Variants in RBFOX1 observed in about 807,000 individuals in gnomAD.
The protein encoded by RBFOX1 is RNA binding fox-1 homolog 1.
A neutral mutation model predicts 57.7 loss-of-function variants in RBFOX1; 8 were observed. The ratio of observed to expected loss-of-function variants is 0.14; its 90% CI spans 0.08 to 0.25. The LOEUF (loss-of-function observed/expected upper bound fraction) is 0.25. Ranked by LOEUF, RBFOX1 falls within the 10% of genes least tolerant of loss-of-function variation. The pLI is 1.00. For synonymous variants in RBFOX1, 326 were observed against 222.4 expected (o/e 1.47, Z -4.15); for missense variants, 611 against 548.5 (o/e 1.11, Z -1.14).
intron 4 of RBFOX1, among the ~76,000 whole-genome samples, chr16:7,165,499 G>A (rs1042821723): frequency 2.5e-4 from 38 of 151,232 alleles, no homozygotes; most frequent in Admixed American, 1.3e-4. Context: ...GCATGATCTC[G>A]GCTCACCGCA....
At chr16:7,539,212 T>G (rs1456596377) in intron 5 of RBFOX1, among the ~76,000 whole-genome samples, 1 of 152,036 alleles carries the variant, frequency 6.6e-6, no homozygotes, top group Admixed American at 6.6e-5. Flanking sequence ...CATATTAGGT[T>G]GAAAAAGAGA....
intron 13 of RBFOX1, 78 bp from the exon 14 acceptor site, chr16:7,676,696 C>T: frequency 4.0e-6 from 5 of 1,246,448 alleles, no homozygotes; most frequent in Non-Finnish European, 5.9e-6. Flanking sequence ...AACAGCTGCT[C>T]TGGTGTGGTC....
rs143794611 is a variant in RBFOX1, at chr16:6,836,161, T to A, written c.-16+181511T>A. ...ATTTCATGGGTGAACCATTAATACG[T>A]CACCGGGTAACGCATTATTGAATAT... On this transcript the variant is annotated intron_variant, in intron 3 of 15. Transcript: ENST00000550418. Among the ~76,000 whole-genome samples the A allele has an allele frequency of 3.8e-3, 583 of 152,336 alleles. 2 individuals carry two copies. Among genetic ancestry groups the A allele is most frequent in the African/African-American group, 0.013 (543 of 41,572 alleles).
chr16:7,399,181 C>A (rs376851495), intron 4 of RBFOX1, among the ~76,000 whole-genome samples: 2 of 152,220 alleles, frequency 1.3e-5, no homozygotes, highest in East Asian at 3.9e-4. Flanking sequence ...GGTGCGGTAG[C>A]TCACGCCTGT....
At chr16:7,391,146 A>G (rs1597257943) in intron 4 of RBFOX1, among the ~76,000 whole-genome samples, 1 of 152,160 alleles carries the variant, frequency 6.6e-6, no homozygotes, top group Non-Finnish European at 1.5e-5. Context: ...GGAAGGTTTT[A>G]GATAGGCAGC....
intron 2 of RBFOX1, chr16:6,483,867 C>T: frequency 8.5e-7 from 1 of 1,178,328 alleles, no homozygotes; most frequent in Non-Finnish European, 1.1e-6. Context: ...AAACCCAAAC[C>T]GGAGATGGAA....
At chr16:6,374,509 C>G (rs1181167572) in intron 2 of RBFOX1, among the ~76,000 whole-genome samples, 1 of 152,048 alleles carries the variant, frequency 6.6e-6, no homozygotes, top group African/African-American at 2.4e-5. Context: ...AATTTTGGAT[C>G]TATTATGTGT....
chr16:6,105,618 A>AT (rs571044944), intron 1 of RBFOX1, among the ~76,000 whole-genome samples: 3 of 151,510 alleles, frequency 2.0e-5, no homozygotes, highest in South Asian at 2.1e-4. Context: ...ATTTTATTTT[A>AT]TTTTTTTGTT....
chr16:7,309,462 G>C lies in RBFOX1; in HGVS notation c.28-208685G>C, dbSNP rs184643749. 2.0e-5 allele frequency among the ~76,000 whole-genome samples: 3 copies of C among 152,294 alleles called. No homozygotes were observed. The East Asian group carries it at 5.8e-4, about 29-fold the overall frequency. On this transcript the variant is annotated intron_variant, in intron 4 of 15. Coordinates refer to ENST00000550418, the MANE Select transcript of RBFOX1 (RefSeq NM_018723.4). ...CTTGTGCCATTCGCCTGCTCTGCCT[G>C]CCATTTTGAGGCAGTTTCTGTGTTA...
intron 1 of RBFOX1, among the ~76,000 whole-genome samples, chr16:6,173,978 T>C (rs2096983257): frequency 6.6e-6 from 1 of 152,096 alleles, no homozygotes; most frequent in Non-Finnish European, 1.5e-5. Context: ...TTCACAGTGA[T>C]CTCGAAACCT....
intron 4 of RBFOX1, among the ~76,000 whole-genome samples, chr16:7,303,919 C>A (rs966110693): frequency 4.6e-5 from 7 of 151,832 alleles, no homozygotes; most frequent in African/African-American, 1.5e-4. Context: ...GCATCCCCTG[C>A]CCCTTCCAGA....
chr16:6,144,669 G>C (rs1391713635), intron 1 of RBFOX1, among the ~76,000 whole-genome samples: 1 of 152,232 alleles, frequency 6.6e-6, no homozygotes, highest in Non-Finnish European at 1.5e-5. Flanking sequence ...CCGTGGAGAA[G>C]CACGATGCTG....
At chr16:6,931,896 C>A (rs1006775500) in intron 3 of RBFOX1, among the ~76,000 whole-genome samples, 1 of 152,110 alleles carries the variant, frequency 6.6e-6, no homozygotes. Flanking sequence ...ATGGCAAGAG[C>A]GCATGTGAGA....
At chr16:7,658,903 T>G (rs2066991202) in intron 12 of RBFOX1, among the ~76,000 whole-genome samples, 1 of 152,174 alleles carries the variant, frequency 6.6e-6, no homozygotes, top group Non-Finnish European at 1.5e-5. Context: ...TTTTGTATTT[T>G]TAGTAGAGAC....
At chr16:5,633,276 A>G (rs537507735) in intron 3 of RBFOX1, among the ~76,000 whole-genome samples, 1 of 152,162 alleles carries the variant, frequency 6.6e-6, no homozygotes, top group Admixed American at 6.5e-5. Context: ...AACATTTTGA[A>G]GCTCCCACTC....
chr16:5,501,422 A>G (rs1384833204), intron 2 of RBFOX1, among the ~76,000 whole-genome samples: 1 of 151,908 alleles, frequency 6.6e-6, no homozygotes, highest in Non-Finnish European at 1.5e-5. Flanking sequence ...CAGACAAACT[A>G]TGCGGACGCC....
chr16:6,307,145 A>T (rs1473741977), intron 1 of RBFOX1, among the ~76,000 whole-genome samples: 1 of 152,186 alleles, frequency 6.6e-6, no homozygotes, highest in Non-Finnish European at 1.5e-5. Context: ...GTTCTTTCAG[A>T]TTCGTAAACG....
chr16:5,859,863 T>C (rs1009503846), intron 3 of RBFOX1, among the ~76,000 whole-genome samples: 3 of 152,222 alleles, frequency 2.0e-5, no homozygotes, highest in African/African-American at 7.2e-5. Context: ...GTCAGGAATC[T>C]AGGCAGCGCC....
chr16:6,133,285 G>A (rs1257645816), intron 1 of RBFOX1, among the ~76,000 whole-genome samples: 3 of 152,256 alleles, frequency 2.0e-5, no homozygotes, highest in Non-Finnish European at 4.4e-5. Flanking sequence ...TATCTTCCTC[G>A]CTTGCCTGAT....
Sources: gnomAD v4.1 joint callset for allele counts (sites outside exome capture counted in the v4.1 genomes callset) on GRCh38, gnomAD v4.1.1 for gene constraint, MANE v1.5 for transcripts, NCBI Gene and HGNC (gene_info 2026-07-23, HGNC 2026-07-21) for gene names.